The following CTNNBIP1 variants were observed in gnomAD, a reference collection of about 807,000 sequenced individuals.
CTNNBIP1 encodes catenin beta interacting protein 1, also known as beta-catenin-interacting protein 1.
Under a neutral mutation model 11.8 loss-of-function variants are expected in CTNNBIP1, and 7 were observed. The ratio of observed to expected loss-of-function variants is 0.60; its 90% CI spans 0.34 to 1.12. CTNNBIP1 has a LOEUF of 1.12. Among genes scored for constraint, CTNNBIP1 ranks in the 50% most tolerant of loss-of-function variants. The pLI is 0.03. For synonymous variants in CTNNBIP1, 58 were observed against 43.9 expected (o/e 1.32, Z -1.26); for missense variants, 101 against 113.4 (o/e 0.89, Z 0.50).
intron 1 of CTNNBIP1, among the ~76,000 whole-genome samples, chr1:9,907,418 G>C (rs2582980): frequency 0.15 from 22,586 of 152,040 alleles, 1,776 homozygotes; most frequent in South Asian, 0.21. Context: ...TGATCCGCCC[G>C]CCTTGGCCTC....
chr1:9,858,869 C>T (rs992620370), intron 5 of CTNNBIP1, among the ~76,000 whole-genome samples: 2 of 152,144 alleles, frequency 1.3e-5, no homozygotes, highest in African/African-American at 4.8e-5. Flanking sequence ...AGACCCAGAT[C>T]CAGACTCCAA....
At chr1:9,854,647 T>C (rs2101431047) in intron 5 of CTNNBIP1, among the ~76,000 whole-genome samples, 1 of 152,192 alleles carries the variant, frequency 6.6e-6, no homozygotes, top group South Asian at 2.1e-4. Flanking sequence ...CATGATCTTA[T>C]ATGTAGAAAA....
At chr1:9,904,892 A>G (rs1639588149) in intron 1 of CTNNBIP1, among the ~76,000 whole-genome samples, 1 of 152,152 alleles carries the variant, frequency 6.6e-6, no homozygotes, top group Non-Finnish European at 1.5e-5. Flanking sequence ...AGGGACTCGG[A>G]AAAAAGGAAG....
intron 3 of CTNNBIP1, among the ~76,000 whole-genome samples, chr1:9,876,434 T>A (rs184169788): frequency 1.3e-5 from 2 of 152,058 alleles, no homozygotes; most frequent in South Asian, 4.1e-4. Flanking sequence ...CTGGCCAACA[T>A]GGTGAAACCC....
At chr1:9,892,700 C>A (rs1379516418) in intron 1 of CTNNBIP1, among the ~76,000 whole-genome samples, 1 of 152,092 alleles carries the variant, frequency 6.6e-6, no homozygotes, top group Non-Finnish European at 1.5e-5. Context: ...CTGTTTACTT[C>A]GCAAATACAC....
rs1218600918 is a variant in CTNNBIP1, at chr1:9,895,650, C to T, written c.-143-11912G>A. ...AGCTGGGACTATAGGTGCACGCCACCATGCCCAGCTAATTTTTTGTATTTT... is the reference window on the plus strand; with the variant it reads ...AGCTGGGACTATAGGTGCACGCCACTATGCCCAGCTAATTTTTTGTATTTT... On this transcript the variant is annotated intron_variant, in intron 1 of 5. Coordinates refer to ENST00000377263, the MANE Select transcript of CTNNBIP1 (RefSeq NM_020248.3). 6.6e-5 allele frequency among the ~76,000 whole-genome samples: 10 copies of T among 152,238 alleles called. No individual in the cohort carries two copies. The East Asian group carries it at 1.7e-3, about 26-fold the overall frequency.
At chr1:9,878,925 C>T (rs755141284) in intron 2 of CTNNBIP1, among the ~76,000 whole-genome samples, 4 of 152,136 alleles carry the variant, frequency 2.6e-5, no homozygotes, top group East Asian at 1.9e-4. Context: ...TTGCCAGGCG[C>T]GGTGGCTCAC....
chr1:9,852,046 AG>A (rs1638398845), intron 5 of CTNNBIP1, among the ~76,000 whole-genome samples: 1 of 151,880 alleles, frequency 6.6e-6, no homozygotes, highest in Non-Finnish European at 1.5e-5. Context: ...TCTCTCTGGG[AG>A]GGGGTGGATC....
Position 9,872,032 on chromosome 1 carries a change from C to T in CTNNBIP1, c.33G>A (p.Pro11=), listed in dbSNP as rs139825449. 2.6e-3 allele frequency: 4,177 copies of T among 1,614,204 alleles called. 12 individuals carry two copies. The highest frequency in any genetic ancestry group is 4.0e-3 in the Admixed American group (242 of 60,030). The change falls in exon 4 of 6, where the codon CCG becomes CCA. Residue 11 remains proline (P), a synonymous_variant. Coordinates refer to ENST00000377263, the MANE Select transcript of CTNNBIP1 (RefSeq NM_020248.3). This position sits in a 1 kb window ranked among gnomAD's most constrained non-coding sequence, Gnocchi z 4.0. MNREGAPGKS[P]EEMYIQQKVR... is the part of the protein sequence containing the mutation. ...CCTTCTGCTGAATGTACATCTCCTCCGGACTCTTCCCGGGAGCTCCCTCGC... is the reference window on the plus strand; with the variant it reads ...CCTTCTGCTGAATGTACATCTCCTCTGGACTCTTCCCGGGAGCTCCCTCGC...
At position 9,871,194 on chromosome 1, in the gene CTNNBIP1, G is replaced by C; in HGVS notation, c.180C>G (p.Ile60Met). 6.4e-7 allele frequency: 1 copy of C among 1,572,566 alleles called. No homozygotes were observed. The highest frequency in any genetic ancestry group is 1.2e-5 in the South Asian group (1 of 85,512). Residue 60 changes from isoleucine (I) to methionine (M), a missense_variant, in exon 5 of 6, where the codon ATC becomes ATG. By Grantham distance (10) the Ile-to-Met change is conservative. Transcript: ENST00000377263. This position sits in a 1 kb window ranked among gnomAD's most constrained non-coding sequence, Gnocchi z 5.2. ...CCTCTGCCGCCAACTCACCCTGGTC[G>C]ATGGAGTGCGGAGGCAGCTGGCTGA... ...SQLSQLPPHSIDQGAEDVVMA... is the reference protein window; with the variant it reads ...SQLSQLPPHSMDQGAEDVVMA...
At chr1:9,905,397 T>C (rs1461727517) in intron 1 of CTNNBIP1, among the ~76,000 whole-genome samples, 1 of 152,066 alleles carries the variant, frequency 6.6e-6, no homozygotes, top group Non-Finnish European at 1.5e-5. Context: ...TCTGTTTTAT[T>C]TTCCCCCGTA....
intron 1 of CTNNBIP1, among the ~76,000 whole-genome samples, chr1:9,907,546 C>T (rs1241248309): frequency 1.3e-5 from 2 of 152,228 alleles, no homozygotes; most frequent in Non-Finnish European, 2.9e-5. Context: ...GCCCAATTTC[C>T]TGGTGCAACA....
intron 5 of CTNNBIP1, among the ~76,000 whole-genome samples, chr1:9,862,779 G>C (rs1570564985): frequency 6.6e-6 from 1 of 152,272 alleles, no homozygotes; most frequent in East Asian, 1.9e-4. Context: ...AGCTCTTTAC[G>C]CATTAGTTCA....
chr1:9,899,736 C>T (rs774550263), intron 1 of CTNNBIP1, among the ~76,000 whole-genome samples: 4 of 147,006 alleles, frequency 2.7e-5, no homozygotes, highest in Admixed American at 6.8e-5. Flanking sequence ...TCCAGCCTGG[C>T]GACAGAGCAA....
At chr1:9,854,430 G>A (rs540746439) in intron 5 of CTNNBIP1, among the ~76,000 whole-genome samples, 3 of 150,336 alleles carry the variant, frequency 2.0e-5, no homozygotes, top group African/African-American at 4.9e-5. Flanking sequence ...TCTGATAAAC[G>A]GCATCTATGA....
rs770964290 is a variant in CTNNBIP1, at chr1:9,850,742, C to T, written c.222G>A (p.Ser74=). The T allele has an allele frequency of 3.7e-6, 6 of 1,613,890 alleles. No homozygotes were observed. Among genetic ancestry groups the T allele is most frequent in the Admixed American group, 1.7e-5 (1 of 60,026 alleles). The change falls in exon 6 of 6, where the codon TCG becomes TCA. Residue 74 remains serine, a synonymous_variant. Coordinates refer to ENST00000377263, the MANE Select transcript of CTNNBIP1 (RefSeq NM_020248.3). ...AEDVVMAFSR[S]ETEDRRQ Reference sequence around the variant, plus strand: ...GCTACTGCCTCCGGTCTTCCGTCTCCGACCTGGAAAACGCCATCACCACGT... The same window carrying T: ...GCTACTGCCTCCGGTCTTCCGTCTCTGACCTGGAAAACGCCATCACCACGT...
At chr1:9,853,202 C>T (rs1638428283) in intron 5 of CTNNBIP1, among the ~76,000 whole-genome samples, 1 of 152,204 alleles carries the variant, frequency 6.6e-6, no homozygotes, top group Non-Finnish European at 1.5e-5. Context: ...CTCTTCTGTT[C>T]CTTAAGGATA....
chr1:9,908,867 T>TC (rs1470458337), intron 1 of CTNNBIP1, among the ~76,000 whole-genome samples: 2 of 152,158 alleles, frequency 1.3e-5, no homozygotes, highest in East Asian at 3.9e-4. Context: ...TAGTAAATGC[T>TC]CACTACTGAA....
In CTNNBIP1 at chr1:9,871,359, G is replaced by T; in HGVS notation, c.97-82C>A. 1.9e-6 allele frequency: 2 copies of T among 1,039,994 alleles called. No homozygotes were observed. The allele number at this position is 1,039,994 out of a possible 1,614,324, so 64.4% of individuals were successfully genotyped here. A position where few individuals can be genotyped will look rare whatever the true frequency, so the allele number is the denominator to read the frequency against. ...CCTGCACCCCTAGAGGCACCGCCTA[G>T]GCCTGCTTGGTCCCTGCTTGGTCCC... is the stretch of plus-strand genomic sequence containing the variant. On this transcript the variant is annotated intron_variant, in intron 4 of 5. Coordinates refer to ENST00000377263, the MANE Select transcript of CTNNBIP1 (RefSeq NM_020248.3). This position sits in a 1 kb window ranked among gnomAD's most constrained non-coding sequence, Gnocchi z 5.2.
Sources: gnomAD v4.1 joint callset for allele counts (sites outside exome capture counted in the v4.1 genomes callset) on GRCh38, gnomAD v4.1.1 for gene constraint, Gnocchi (gnomAD v3.1) non-coding constraint, MANE v1.5 for transcripts, NCBI Gene and HGNC (gene_info 2026-07-23, HGNC 2026-07-21) for gene names.